Variants in WDFY1 observed in about 807,000 individuals in gnomAD.
The protein encoded by WDFY1 is WD repeat and FYVE domain containing 1, also known as WD repeat and FYVE domain-containing protein 1.
WDFY1 carries 32 observed loss-of-function variants against 56.4 expected under a neutral mutation model. That is an observed-to-expected ratio of 0.57 (90% CI 0.43 to 0.76). The LOEUF is 0.76. WDFY1 is among the 30% of genes least tolerant of loss of function. The pLI, the probability that WDFY1 is intolerant of heterozygous loss-of-function variation, is 0.00. For missense variants in WDFY1, 480 were observed against 545.7 expected, an observed-to-expected ratio of 0.88 and a Z score of 1.20; for synonymous variants, 192 against 197.3, an observed-to-expected ratio of 0.97 and a Z score of 0.23.
intron 1 of WDFY1, among the ~76,000 whole-genome samples, chr2:223,943,017 C>T (rs1029047179): frequency 6.6e-6 from 1 of 150,844 alleles, no homozygotes; most frequent in Admixed American, 6.6e-5. Flanking sequence ...CCTGTCTCTA[C>T]TAAAAATAGA....
In WDFY1 at chr2:223,901,257, ACAC is replaced by A. The variant is rs1553536349; in HGVS notation, c.408_410del (p.Lys136_Cys137delinsAsn). 1.9e-6 allele frequency: 3 copies of A among 1,614,026 alleles called. No homozygotes were observed. Among genetic ancestry groups the A allele is most frequent in the Non-Finnish European group, 2.5e-6 (3 of 1,180,028 alleles). Reference sequence around the variant, plus strand: ...CGCTCCGCGTGCACATCCAGCTCACACACTTGTCGTGGCCGGTACTGATCACCC... The same window carrying A: ...CGCTCCGCGTGCACATCCAGCTCACATTGTCGTGGCCGGTACTGATCACCC... On this transcript the variant is annotated inframe_deletion, in exon 5 of 12. Coordinates refer to ENST00000233055, the MANE Select transcript of WDFY1 (RefSeq NM_020830.5).
At chr2:223,928,280 A>C (rs922294812) in intron 1 of WDFY1, among the ~76,000 whole-genome samples, 3 of 152,196 alleles carry the variant, frequency 2.0e-5, no homozygotes, top group Non-Finnish European at 4.4e-5. Flanking sequence ...AGTATCTGAG[A>C]AGCACAATAA....
intron 1 of WDFY1, among the ~76,000 whole-genome samples, chr2:223,931,693 T>C (rs1266543178): frequency 1.1e-4 from 16 of 147,264 alleles, no homozygotes; most frequent in East Asian, 9.7e-4. Context: ...TTTCTTTTTT[T>C]TTTTTTTTTT....
chr2:223,921,180 T>G (rs1032367616), intron 1 of WDFY1, among the ~76,000 whole-genome samples: 3 of 152,236 alleles, frequency 2.0e-5, no homozygotes, highest in African/African-American at 7.2e-5. Context: ...CTGTACACAC[T>G]ATTATATATG....
intron 1 of WDFY1, among the ~76,000 whole-genome samples, chr2:223,920,076 G>A (rs1693863786): frequency 6.6e-6 from 1 of 152,250 alleles, no homozygotes; most frequent in Non-Finnish European, 1.5e-5. Flanking sequence ...CATTCACACT[G>A]GAGGAAAGCT....
rs930026980 is a variant in WDFY1, at chr2:223,875,624, T to C, written c.*3047A>G. Reference sequence around the variant, plus strand: ...AAACTTCAACTTACTCAAAGAGTTATTGTATTGTAAACTGCAGAAAATAGA... The same window carrying C: ...AAACTTCAACTTACTCAAAGAGTTACTGTATTGTAAACTGCAGAAAATAGA... On this transcript the variant is annotated 3_prime_UTR_variant, in exon 12 of 12. Transcript: ENST00000233055. 6.6e-6 allele frequency: 1 copy of C among 152,228 alleles called. No homozygotes were observed. Among genetic ancestry groups the C allele is most frequent in the African/African-American group, 2.4e-5 (1 of 41,458 alleles). The allele number at this position is 152,228 out of a possible 1,614,324, so 9.4% of individuals were successfully genotyped here.
intron 1 of WDFY1, among the ~76,000 whole-genome samples, chr2:223,933,961 CAAAAA>C (rs368902455): frequency 2.0e-5 from 1 of 51,010 alleles, no homozygotes; most frequent in Non-Finnish European, 3.4e-5. Context: ...GACCCTGCCT[CAAAAA>C]AAAAAAAAAA....
At chr2:223,942,523 CTAACTTTTTTT>C (rs1194122422) in intron 1 of WDFY1, among the ~76,000 whole-genome samples, 1 of 60,840 alleles carries the variant, frequency 1.6e-5, no homozygotes, top group Non-Finnish European at 3.6e-5. Context: ...TGGCCAAAGG[CTAACTTTTTTT>C]TTTTTTTTTT....
intron 6 of WDFY1, 45 bp downstream of exon 6, chr2:223,898,913 G>T: frequency 6.8e-7 from 1 of 1,473,760 alleles, no homozygotes. Context: ...GAATTTGGAT[G>T]TCCAAGTTAG....
At chr2:223,920,418 G>A (rs1574775157) in intron 1 of WDFY1, among the ~76,000 whole-genome samples, 2 of 152,354 alleles carry the variant, frequency 1.3e-5, no homozygotes, top group Non-Finnish European at 1.5e-5. Flanking sequence ...AAACTCCTAA[G>A]AAGGAAATAT....
intron 1 of WDFY1, among the ~76,000 whole-genome samples, chr2:223,926,672 G>T (rs972670516): frequency 2.0e-5 from 3 of 151,524 alleles, no homozygotes; most frequent in African/African-American, 7.3e-5. Context: ...GTGTGTGTGT[G>T]TATGTGTATT....
chr2:223,942,975 G>C (rs1574786236), intron 1 of WDFY1, among the ~76,000 whole-genome samples: 1 of 150,658 alleles, frequency 6.6e-6, no homozygotes, highest in South Asian at 2.1e-4. Flanking sequence ...GAGGTCAGGA[G>C]ATCGAGACCA....
chr2:223,944,633 C>T (rs1305491807), intron 1 of WDFY1, among the ~76,000 whole-genome samples: 2 of 150,676 alleles, frequency 1.3e-5, no homozygotes, highest in African/African-American at 4.9e-5. Flanking sequence ...TGGAGGGGCG[C>T]AGTGGGACAG....
chr2:223,921,676 G>A (rs1005678947), intron 1 of WDFY1, among the ~76,000 whole-genome samples: 8 of 151,636 alleles, frequency 5.3e-5, no homozygotes, highest in African/African-American at 1.9e-4. Flanking sequence ...CTGAAGCCTC[G>A]AACTCCTGGG....
At chr2:223,882,152 T>C in intron 9 of WDFY1, 80 bp from the exon 10 acceptor site, 3 of 1,502,388 alleles carry the variant, frequency 2.0e-6, no homozygotes, top group Non-Finnish European at 2.7e-6. Context: ...TCTCACTCTG[T>C]CACCCAGGCT....
intron 1 of WDFY1, among the ~76,000 whole-genome samples, chr2:223,926,453 A>G (rs1693980142): frequency 1.3e-5 from 2 of 152,164 alleles, no homozygotes; most frequent in South Asian, 2.1e-4. Context: ...TTAAATCACA[A>G]AACTTGAAAG....
chr2:223,945,023 G>A (rs1165863333), intron 1 of WDFY1, 125 bp downstream of exon 1: 2 of 1,135,694 alleles, frequency 1.8e-6, no homozygotes, highest in African/African-American at 3.3e-5. Flanking sequence ...GGGGCGCAGA[G>A]TGGGGGTGGG....
intron 8 of WDFY1, among the ~76,000 whole-genome samples, chr2:223,891,916 G>T (rs1038030661): frequency 1.3e-5 from 2 of 152,118 alleles, no homozygotes; most frequent in Non-Finnish European, 2.9e-5. Context: ...GCTGATAAAC[G>T]TAAAACACAG....
chr2:223,896,429 C>T (rs1693380167), intron 6 of WDFY1, among the ~76,000 whole-genome samples: 1 of 152,028 alleles, frequency 6.6e-6, no homozygotes, highest in Non-Finnish European at 1.5e-5. Context: ...ACATTAAGTA[C>T]CACAGAAAAA....
Sources: gnomAD v4.1 joint callset for allele counts (sites outside exome capture counted in the v4.1 genomes callset) on GRCh38, gnomAD v4.1.1 for gene constraint, MANE v1.5 for transcripts, NCBI Gene and HGNC (gene_info 2026-07-23, HGNC 2026-07-21) for gene names.